ITPR2: variants seen among roughly 807,000 people sequenced by gnomAD.
ITPR2 encodes the protein inositol 1,4,5-trisphosphate-gated calcium channel ITPR2.
A neutral mutation model predicts 317.1 loss-of-function variants in ITPR2; 207 were observed. The observed-to-expected ratio is 0.65, with a 90% CI of 0.58 to 0.73. ITPR2 has a LOEUF of 0.73. ITPR2 is among the 30% of genes least tolerant of loss of function. The probability of loss-of-function intolerance (pLI) is 0.00; values close to 1 mark genes in which losing one functional copy is unlikely to be tolerated. For missense variants in ITPR2, 2,613 were observed against 3,284.0 expected (o/e 0.80, Z 4.99); for synonymous variants, 1,156 against 1,149.1 (o/e 1.01, Z -0.12).
At chr12:26,369,480 G>A (rs940214129) in intron 55 of ITPR2, among the ~76,000 whole-genome samples, 1 of 152,138 alleles carries the variant, frequency 6.6e-6, no homozygotes, top group Non-Finnish European at 1.5e-5. Flanking sequence ...TTGATGGAAT[G>A]AATGTACATC....
intron 45 of ITPR2, among the ~76,000 whole-genome samples, chr12:26,466,773 A>C (rs1028556853): frequency 1.3e-5 from 2 of 152,286 alleles, no homozygotes; most frequent in African/African-American, 4.8e-5. Context: ...CACAGGGTGC[A>C]GGGGTGGAAT....
At chr12:26,737,396 C>T (rs1207387529) in intron 2 of ITPR2, among the ~76,000 whole-genome samples, 3 of 152,128 alleles carry the variant, frequency 2.0e-5, no homozygotes, top group Non-Finnish European at 4.4e-5. Context: ...GCTGGGATTA[C>T]AGGCACGCCC....
At chr12:26,666,201 C>A in intron 13 of ITPR2, 150 bp from the exon 14 acceptor site, 2 of 386,810 alleles carry the variant, frequency 5.2e-6, no homozygotes, top group Admixed American at 5.0e-5. Context: ...AACTCAAATC[C>A]ATGGAAATTT....
chr12:26,688,797 T>C (rs1300952331), intron 10 of ITPR2, among the ~76,000 whole-genome samples: 1 of 152,148 alleles, frequency 6.6e-6, no homozygotes, highest in African/African-American at 2.4e-5. Context: ...GAAAAAGTTA[T>C]CTTGGGTCTT....
intron 13 of ITPR2, among the ~76,000 whole-genome samples, chr12:26,671,596 T>C (rs549545694): frequency 6.6e-6 from 1 of 152,130 alleles, no homozygotes; most frequent in African/African-American, 2.4e-5. Flanking sequence ...TGCAAAATCA[T>C]GTCAAAATGT....
At chr12:26,769,540 C>T (rs963763530) in intron 2 of ITPR2, among the ~76,000 whole-genome samples, 1 of 152,042 alleles carries the variant, frequency 6.6e-6, no homozygotes, top group African/African-American at 2.4e-5. Flanking sequence ...TATGGAGCAA[C>T]ACAGAGACTT....
chr12:26,635,849 G>T (rs1003946099), intron 21 of ITPR2, among the ~76,000 whole-genome samples: 3 of 152,152 alleles, frequency 2.0e-5, no homozygotes, highest in Non-Finnish European at 4.4e-5. Flanking sequence ...GTGGCTGAGG[G>T]TCTGGGTTAT....
chr12:26,368,525 A>G (rs1939087811), intron 55 of ITPR2, among the ~76,000 whole-genome samples: 1 of 152,210 alleles, frequency 6.6e-6, no homozygotes, highest in East Asian at 1.9e-4. Flanking sequence ...TAAGGCTCAG[A>G]GAGGTTAAGC....
chr12:26,557,032 T>C (rs1482391929), intron 35 of ITPR2, among the ~76,000 whole-genome samples: 1 of 151,730 alleles, frequency 6.6e-6, no homozygotes, highest in Admixed American at 6.6e-5. Context: ...TGACGCAATA[T>C]AGCACCATTG....
intron 37 of ITPR2, among the ~76,000 whole-genome samples, chr12:26,502,499 T>C (rs1943091983): frequency 6.6e-6 from 1 of 152,156 alleles, no homozygotes; most frequent in Admixed American, 6.5e-5. Flanking sequence ...AAGCCCATAG[T>C]CCCTGGTACA....
chr12:26,358,589 T>A (rs570674295), intron 55 of ITPR2, among the ~76,000 whole-genome samples: 1 of 152,338 alleles, frequency 6.6e-6, no homozygotes, highest in South Asian at 2.1e-4. Flanking sequence ...AAACTACTTA[T>A]TCTCATATGT....
In ITPR2 at chr12:26,715,341, T is replaced by G; in HGVS notation, c.813A>C (p.Ser271=). Residue 271 remains serine (S), a synonymous_variant, in exon 8 of 57, where the codon TCA becomes TCC. Transcript: ENST00000381340. ...CTTTAGAACTAGTAGCAGAAGTAGCTGATTGGCGCAAGGTCGTACGAAGGA... is the reference window on the plus strand; with the variant it reads ...CTTTAGAACTAGTAGCAGAAGTAGCGGATTGGCGCAAGGTCGTACGAAGGA... ...HIFLRTTLRQ[S]ATSATSSKAL... is the part of the protein sequence containing the mutation. 1 of 1,613,788 alleles carries G rather than the reference T, an allele frequency of 6.2e-7. No homozygotes were observed. The highest frequency in any genetic ancestry group is 2.2e-5 in the East Asian group (1 of 44,860).
At chr12:26,533,807 C>T (rs1472139306) in intron 37 of ITPR2, among the ~76,000 whole-genome samples, 1 of 152,234 alleles carries the variant, frequency 6.6e-6, no homozygotes, top group Non-Finnish European at 1.5e-5. Flanking sequence ...GAATCTCTGA[C>T]TTCCAGCCTC....
chr12:26,585,974 G>T (rs185826587), intron 32 of ITPR2, among the ~76,000 whole-genome samples: 41 of 152,108 alleles, frequency 2.7e-4, no homozygotes, highest in Admixed American at 2.3e-3. Context: ...TTTTTCAGAG[G>T]TTTATTAACT....
intron 23 of ITPR2, among the ~76,000 whole-genome samples, chr12:26,626,708 T>C (rs1011457634): frequency 7.9e-5 from 12 of 152,394 alleles, no homozygotes; most frequent in South Asian, 2.1e-4. Flanking sequence ...ATGGGACTAA[T>C]GATTCAGACA....
In ITPR2 at chr12:26,595,536, C is replaced by T; in HGVS notation, c.4309G>A (p.Glu1437Lys). The change falls in exon 32 of 57, where the codon GAA becomes AAA. Residue 1437 changes from glutamate to lysine, a missense_variant. Transcript: ENST00000381340. The stretch of plus-strand genomic sequence containing the variant: ...TTACTTGTATAGATTTCTTTCATTT[C>T]CACTTCAGTGTCAACATAACAGTGA... ...VNHCYVDTEV[E>K]MKEIYTSNHI... The T allele has an allele frequency of 6.2e-7, 1 of 1,606,216 alleles. No individual in the cohort carries two copies. The highest frequency in any genetic ancestry group is 8.5e-7 in the Non-Finnish European group (1 of 1,177,144).
At chr12:26,502,648 A>G (rs1293534701) in intron 37 of ITPR2, among the ~76,000 whole-genome samples, 1 of 152,204 alleles carries the variant, frequency 6.6e-6, no homozygotes, top group Non-Finnish European at 1.5e-5. Context: ...TGCAAAGACT[A>G]TGTTGCTGAG....
chr12:26,537,956 T>C (rs1944144340), intron 37 of ITPR2, among the ~76,000 whole-genome samples: 1 of 152,196 alleles, frequency 6.6e-6, no homozygotes, highest in Admixed American at 6.5e-5. Context: ...AATCAGTAAA[T>C]GGTAGATACT....
intron 37 of ITPR2, among the ~76,000 whole-genome samples, chr12:26,509,958 TTGTGTGTGTGTGTGTGTG>T (rs56063133): frequency 1.3e-4 from 7 of 53,262 alleles, no homozygotes; most frequent in African/African-American, 3.5e-4. Context: ...GATAAGGGTT[TTGTGTGTGTGTGTGTGTG>T]TGTGTGTGTG....
Sources: gnomAD v4.1 joint callset for allele counts (sites outside exome capture counted in the v4.1 genomes callset) on GRCh38, gnomAD v4.1.1 for gene constraint, MANE v1.5 for transcripts, NCBI Gene and HGNC (gene_info 2026-07-23, HGNC 2026-07-21) for gene names.